The following ROBO2 variants were observed in gnomAD, a reference collection of about 807,000 sequenced individuals.
ROBO2 encodes the protein roundabout homolog 2.
In ROBO2, 53 loss-of-function variants were observed where a neutral mutation model predicts 160.8. That is an observed-to-expected ratio of 0.33 (90% confidence interval 0.26 to 0.41). The LOEUF (loss-of-function observed/expected upper bound fraction) is 0.41, where lower values mean the gene tolerates loss of function less well. Ranked by LOEUF, ROBO2 falls within the 10% of genes least tolerant of loss-of-function variation. The pLI is 1.00. For synonymous variants in ROBO2, 664 were observed against 611.7 expected, an observed-to-expected ratio of 1.09 and a Z score of -1.26; for missense variants, 1,577 against 1,722.4, an observed-to-expected ratio of 0.92 and a Z score of 1.49.
chr3:76,149,984 C>CATA (rs1294531484), intron 2 of ROBO2, among the ~76,000 whole-genome samples: 1 of 150,900 alleles, frequency 6.6e-6, no homozygotes, highest in Non-Finnish European at 1.5e-5. Flanking sequence ...AAGCACACAT[C>CATA]TGTCTAAAGC....
intron 2 of ROBO2, among the ~76,000 whole-genome samples, chr3:77,419,434 A>G (rs930422615): frequency 6.6e-6 from 1 of 152,168 alleles, no homozygotes; most frequent in African/African-American, 2.4e-5. Context: ...TAAGCAGAAT[A>G]ATAATAAAAC....
At chr3:77,143,174 CTTTTTTTTTT>C (rs10546673) in intron 2 of ROBO2, among the ~76,000 whole-genome samples, 26 of 59,684 alleles carry the variant, frequency 4.4e-4, no homozygotes, top group African/African-American at 1.2e-3. Flanking sequence ...TAAACAGCAG[CTTTTTTTTTT>C]TTTTTTTTTT....
chr3:77,397,792 A>AT (rs887840133), intron 2 of ROBO2, among the ~76,000 whole-genome samples: 5 of 152,060 alleles, frequency 3.3e-5, no homozygotes, highest in Non-Finnish European at 5.9e-5. Flanking sequence ...AAACTATATA[A>AT]TTTTTGTTTT....
chr3:76,742,231 T>C (rs574108807), intron 2 of ROBO2, among the ~76,000 whole-genome samples: 160 of 152,282 alleles, frequency 1.1e-3, no homozygotes, highest in African/African-American at 3.5e-3. Context: ...GAAGACATTT[T>C]GTAGAACTGC....
At chr3:77,279,353 G>T (rs2060097917) in intron 2 of ROBO2, among the ~76,000 whole-genome samples, 1 of 151,986 alleles carries the variant, frequency 6.6e-6, no homozygotes, top group South Asian at 2.1e-4. Context: ...GAAACATTAT[G>T]CAAATGACTC....
At chr3:77,619,524 T>C (rs1007144091) in intron 22 of ROBO2, among the ~76,000 whole-genome samples, 2 of 152,068 alleles carry the variant, frequency 1.3e-5, no homozygotes, top group Non-Finnish European at 2.9e-5. Flanking sequence ...AGCGTTACTT[T>C]CCCAACAAAG....
chr3:77,639,066 G>A (rs975884866), intron 24 of ROBO2, among the ~76,000 whole-genome samples: 5 of 151,874 alleles, frequency 3.3e-5, no homozygotes, highest in African/African-American at 1.2e-4. Context: ...CTGACCTGAG[G>A]CTCTCTGCCC....
intron 2 of ROBO2, among the ~76,000 whole-genome samples, chr3:76,549,113 C>T (rs1010931495): frequency 4.6e-5 from 7 of 151,776 alleles, no homozygotes; most frequent in African/African-American, 7.3e-5. Flanking sequence ...GGTTGGGGTG[C>T]GAGAAGAATA....
chr3:76,534,956 G>A (rs761409264), intron 2 of ROBO2, among the ~76,000 whole-genome samples: 3 of 152,072 alleles, frequency 2.0e-5, no homozygotes, highest in Non-Finnish European at 2.9e-5. Flanking sequence ...CAGATGGGCA[G>A]AAAGAAAGTA....
chr3:77,412,927 T>C (rs2076917788), intron 2 of ROBO2, among the ~76,000 whole-genome samples: 1 of 152,142 alleles, frequency 6.6e-6, no homozygotes, highest in African/African-American at 2.4e-5. Context: ...AAAAAAATAC[T>C]TAATAAGGGC....
chr3:77,203,479 A>G (rs1207589559), intron 2 of ROBO2, among the ~76,000 whole-genome samples: 1 of 152,226 alleles, frequency 6.6e-6, no homozygotes, highest in Non-Finnish European at 1.5e-5. Context: ...TGAATAAGGA[A>G]GATTGATGTG....
intron 2 of ROBO2, among the ~76,000 whole-genome samples, chr3:76,123,637 T>G (rs1163361467): frequency 1.3e-5 from 2 of 152,152 alleles, no homozygotes; most frequent in African/African-American, 4.8e-5. Context: ...CTGTCACTAG[T>G]TAGTATATTT....
chr3:76,383,966 G>A (rs576899207), intron 2 of ROBO2, among the ~76,000 whole-genome samples: 14 of 152,306 alleles, frequency 9.2e-5, no homozygotes, highest in Admixed American at 2.0e-4. Context: ...TGTCTGCAGC[G>A]GAACTGGCAG....
At chr3:76,860,335 G>T (rs780353626) in intron 2 of ROBO2, among the ~76,000 whole-genome samples, 1 of 152,082 alleles carries the variant, frequency 6.6e-6, no homozygotes, top group African/African-American at 2.4e-5. Context: ...TGTTTTCGTA[G>T]GGCATTTTAC....
chr3:76,623,594 G>A (rs2089390684), intron 2 of ROBO2, among the ~76,000 whole-genome samples: 1 of 152,126 alleles, frequency 6.6e-6, no homozygotes, highest in South Asian at 2.1e-4. Flanking sequence ...ACACTCTAAA[G>A]TATCTTTGCA....
intron 2 of ROBO2, among the ~76,000 whole-genome samples, chr3:76,733,611 A>G (rs925929832): frequency 1.3e-5 from 2 of 152,238 alleles, no homozygotes; most frequent in Non-Finnish European, 2.9e-5. Flanking sequence ...GAAGTACAAA[A>G]AGCTTAAATT....
At chr3:76,602,630 A>G (rs2108964412) in intron 2 of ROBO2, among the ~76,000 whole-genome samples, 1 of 152,252 alleles carries the variant, frequency 6.6e-6, no homozygotes. Context: ...CACAGGAAAG[A>G]CCCGTCCCCA....
chr3:76,827,105 C>T (rs1327541840), intron 2 of ROBO2, among the ~76,000 whole-genome samples: 2 of 152,052 alleles, frequency 1.3e-5, no homozygotes, highest in Non-Finnish European at 2.9e-5. Flanking sequence ...GCATTGGTAT[C>T]GTTCAGAAAT....
In ROBO2 at chr3:76,283,039, AT is replaced by A. The variant is rs1264828612; in HGVS notation, c.109+345438del. Among the ~76,000 whole-genome samples, 4 of 138,738 alleles carry A rather than the reference AT, an allele frequency of 2.9e-5. No homozygotes were observed. In the East Asian group the frequency reaches 6.3e-4, roughly 22 times the overall value. 91.0% of individuals were successfully genotyped at this position (138,738 alleles called of 152,430 possible). A position where few individuals can be genotyped will look rare whatever the true frequency, so the allele number is the denominator to read the frequency against. On this transcript the variant is annotated intron_variant, in intron 2 of 26. Coordinates refer to the ROBO2 transcript ENST00000487694. ...TTTTTCTTTATTTTAAGAAAAAAAAATCTGAGCCAAGTTGTTTCATTACAAG... is the reference window on the plus strand; with the variant it reads ...TTTTTCTTTATTTTAAGAAAAAAAAACTGAGCCAAGTTGTTTCATTACAAG...
Sources: gnomAD v4.1 joint callset for allele counts (sites outside exome capture counted in the v4.1 genomes callset) on GRCh38, gnomAD v4.1.1 for gene constraint, MANE v1.5 for transcripts, NCBI Gene and HGNC (gene_info 2026-07-23, HGNC 2026-07-21) for gene names.